CEP112: variants seen among roughly 807,000 people sequenced by gnomAD.
CEP112 encodes the protein centrosomal protein 112, also known as centrosomal protein of 112 kDa.
A neutral mutation model predicts 153.0 loss-of-function variants in CEP112; 127 were observed. That is an observed-to-expected ratio of 0.83 (90% CI 0.72 to 0.96). The LOEUF (loss-of-function observed/expected upper bound fraction) is 0.96, where lower values mean the gene tolerates loss of function less well. Among genes scored for constraint, CEP112 ranks in the 40% least tolerant of loss-of-function variants. CEP112 has a pLI of 0.00. For synonymous variants in CEP112, 358 were observed against 374.4 expected, an observed-to-expected ratio of 0.96 and a Z score of 0.51; for missense variants, 1,089 against 1,101.2, an observed-to-expected ratio of 0.99 and a Z score of 0.16.
chr17:65,998,687 A>G (rs1598057018), intron 17 of CEP112, among the ~76,000 whole-genome samples: 1 of 152,112 alleles, frequency 6.6e-6, no homozygotes, highest in Middle Eastern at 3.4e-3. Flanking sequence ...TATTAATAAT[A>G]CATATATAAC....
At chr17:65,780,277 A>G (rs1365193762) in intron 21 of CEP112, among the ~76,000 whole-genome samples, 2 of 152,114 alleles carry the variant, frequency 1.3e-5, no homozygotes, top group African/African-American at 4.8e-5. Context: ...ACTGAATAAG[A>G]AAGCAAACTG....
At position 65,891,073 on chromosome 17, in the gene CEP112, G is replaced by A. The variant is rs1432003008; in HGVS notation, c.2163+11079C>T. On this transcript the variant is annotated intron_variant, in intron 20 of 26. Transcript: ENST00000535342. Reference sequence around the variant, plus strand: ...GAGAAACCATTCCTTTTTTATATACGTAGGTCCGGCATAGGGGCCTGGCTC... The same window carrying A: ...GAGAAACCATTCCTTTTTTATATACATAGGTCCGGCATAGGGGCCTGGCTC... 3.9e-5 allele frequency among the ~76,000 whole-genome samples: 6 copies of A among 152,008 alleles called. No homozygotes were observed. The South Asian group carries it at 1.0e-3, about 26-fold the overall frequency.
chr17:65,639,714 T>C (rs1334767361), intron 25 of CEP112, among the ~76,000 whole-genome samples: 1 of 151,428 alleles, frequency 6.6e-6, no homozygotes, highest in East Asian at 1.9e-4. Flanking sequence ...CAAAGTGTAT[T>C]GGAGATGTGA....
intron 24 of CEP112, among the ~76,000 whole-genome samples, chr17:65,670,362 A>AC (rs1443033430): frequency 6.6e-6 from 1 of 151,528 alleles, no homozygotes; most frequent in African/African-American, 2.4e-5. Flanking sequence ...CTCAGTTGTA[A>AC]CTAAAAAAAA....
At position 66,128,298 on chromosome 17, in the gene CEP112, G is replaced by C. The variant is rs1251188674; in HGVS notation, c.642+1448C>G. On this transcript the variant is annotated intron_variant, in intron 6 of 26. Transcript: ENST00000535342. Reference sequence around the variant, plus strand: ...AGCCTGTGCGACACAGCAAGATTCTGTCTCAAAAAAAAAAAAAAAAAAAAG... The same window carrying C: ...AGCCTGTGCGACACAGCAAGATTCTCTCTCAAAAAAAAAAAAAAAAAAAAG... Among the ~76,000 whole-genome samples, 74 of 46,024 alleles carry C rather than the reference G, an allele frequency of 1.6e-3. 1 individual carries two copies. The highest frequency in any genetic ancestry group is 6.8e-3 in the African/African-American group (72 of 10,638). 30.2% of individuals were successfully genotyped at this position (46,024 alleles called of 152,430 possible). A position where few individuals can be genotyped will look rare whatever the true frequency, so the allele number is the denominator to read the frequency against.
At chr17:65,669,163 C>A (rs553447959) in intron 24 of CEP112, among the ~76,000 whole-genome samples, 5 of 152,294 alleles carry the variant, frequency 3.3e-5, no homozygotes, top group Admixed American at 3.3e-4. Flanking sequence ...AATCACACTA[C>A]CAGTTTGACT....
chr17:65,692,971 C>A (rs1006580960), intron 23 of CEP112, among the ~76,000 whole-genome samples: 3 of 152,122 alleles, frequency 2.0e-5, no homozygotes, highest in Non-Finnish European at 4.4e-5. Context: ...GATTATGTGT[C>A]CTGAGACACA....
At chr17:65,686,993 T>C (rs2047830484) in intron 24 of CEP112, among the ~76,000 whole-genome samples, 1 of 152,084 alleles carries the variant, frequency 6.6e-6, no homozygotes, top group African/African-American at 2.4e-5. Context: ...TGCTGTGTGA[T>C]CTTGGATGAG....
intron 19 of CEP112, among the ~76,000 whole-genome samples, chr17:65,924,510 G>A (rs2060850775): frequency 6.6e-6 from 1 of 152,038 alleles, no homozygotes; most frequent in South Asian, 2.1e-4. Context: ...ATATTCACAT[G>A]TGCATATGTG....
chr17:65,839,815 T>C (rs1164389914), intron 21 of CEP112, among the ~76,000 whole-genome samples: 4 of 151,872 alleles, frequency 2.6e-5, no homozygotes, highest in African/African-American at 9.7e-5. Context: ...GTAAACAAAT[T>C]CAGTAAGGTT....
chr17:65,966,712 A>G (rs926268991), intron 17 of CEP112, among the ~76,000 whole-genome samples: 1 of 152,270 alleles, frequency 6.6e-6, no homozygotes, highest in Non-Finnish European at 1.5e-5. Context: ...CATAAGCATG[A>G]CAGATGAATA....
At chr17:65,990,944 G>C (rs531625339) in intron 17 of CEP112, among the ~76,000 whole-genome samples, 3 of 152,308 alleles carry the variant, frequency 2.0e-5, no homozygotes, top group African/African-American at 7.2e-5. Flanking sequence ...CTGTCACAGC[G>C]GAGATCTGGC....
chr17:66,133,896 T>C (rs1348275150), intron 4 of CEP112, among the ~76,000 whole-genome samples: 1 of 152,190 alleles, frequency 6.6e-6, no homozygotes, highest in Non-Finnish European at 1.5e-5. Flanking sequence ...TAATAAGTAA[T>C]GTAAAATGGC....
At chr17:66,163,143 G>C (rs1242944522) in intron 4 of CEP112, among the ~76,000 whole-genome samples, 1 of 152,100 alleles carries the variant, frequency 6.6e-6, no homozygotes, top group Non-Finnish European at 1.5e-5. Context: ...CGGTCTTCTG[G>C]AGAACTGTAA....
chr17:66,172,330 G>T (rs118030736), intron 4 of CEP112, among the ~76,000 whole-genome samples: 5,185 of 152,236 alleles, frequency 0.034, 131 homozygotes, highest in Middle Eastern at 0.061. Context: ...GAGTACTAAA[G>T]GAGTAAATGG....
chr17:66,045,813 T>A (rs1299611734), intron 12 of CEP112, among the ~76,000 whole-genome samples: 1 of 152,156 alleles, frequency 6.6e-6, no homozygotes, highest in Non-Finnish European at 1.5e-5. Flanking sequence ...CAAAGTTTGG[T>A]CAACAAACTC....
At chr17:65,920,996 C>T (rs1406529530) in intron 19 of CEP112, among the ~76,000 whole-genome samples, 5 of 152,048 alleles carry the variant, frequency 3.3e-5, no homozygotes, top group Non-Finnish European at 7.4e-5. Context: ...TTCCTCAGAA[C>T]TCTAAGCATT....
chr17:65,864,895 G>A, intron 20 of CEP112, among the ~76,000 whole-genome samples: 1 of 151,324 alleles, frequency 6.6e-6, no homozygotes, highest in Non-Finnish European at 1.5e-5. Flanking sequence ...CAGTGGGTGG[G>A]CTTTTTAGGG....
At chr17:66,076,925 G>A (rs936823702) in intron 8 of CEP112, among the ~76,000 whole-genome samples, 13 of 152,184 alleles carry the variant, frequency 8.5e-5, no homozygotes, top group African/African-American at 2.7e-4. Flanking sequence ...AGGTAGACTC[G>A]CTGGGTGGCT....
Sources: allele counts gnomAD v4.1 joint callset (sites outside exome capture counted in the v4.1 genomes callset), GRCh38; gene constraint gnomAD v4.1.1; transcripts MANE v1.5; gene names NCBI Gene and HGNC (gene_info 2026-07-23, HGNC 2026-07-21).